The following GMPR variants were observed in gnomAD, a reference collection of about 807,000 sequenced individuals.
GMPR encodes GMP reductase 1.
A neutral mutation model predicts 38.4 loss-of-function variants in GMPR; 31 were observed. The observed-to-expected ratio is 0.81, with a 90% CI of 0.61 to 1.09. The LOEUF (loss-of-function observed/expected upper bound fraction) is 1.09. GMPR is among the 50% of genes least tolerant of loss of function. The pLI, the probability that GMPR is intolerant of heterozygous loss-of-function variation, is 0.00. For missense variants in GMPR, 468 were observed against 453.7 expected, an observed-to-expected ratio of 1.03 and a Z score of -0.29; for synonymous variants, 162 against 173.3, an observed-to-expected ratio of 0.93 and a Z score of 0.51.
At chr6:16,268,377 C>T (rs532804130) in intron 4 of GMPR, among the ~76,000 whole-genome samples, 60 of 152,242 alleles carry the variant, frequency 3.9e-4, no homozygotes, top group African/African-American at 1.4e-3. Context: ...TGTGGTGGCA[C>T]GATCTTGGCT....
intron 4 of GMPR, among the ~76,000 whole-genome samples, chr6:16,261,543 A>C (rs964032154): frequency 1.3e-5 from 2 of 152,008 alleles, no homozygotes; most frequent in Non-Finnish European, 1.5e-5. Context: ...TGGGTTTGGC[A>C]CCATGGGGTG....
At chr6:16,265,661 C>A (rs999336838) in intron 4 of GMPR, among the ~76,000 whole-genome samples, 1 of 145,490 alleles carries the variant, frequency 6.9e-6, no homozygotes, top group African/African-American at 2.4e-5. Flanking sequence ...GCTAAAGCAG[C>A]GCTGTGTCTA....
intron 3 of GMPR, among the ~76,000 whole-genome samples, chr6:16,251,350 C>G (rs1758871705): frequency 1.3e-5 from 2 of 152,192 alleles, no homozygotes; most frequent in Non-Finnish European, 2.9e-5. Context: ...TCGGGTGGAT[C>G]ACCTGAGGTC....
At chr6:16,240,985 C>T (rs908686094) in intron 1 of GMPR, among the ~76,000 whole-genome samples, 3 of 151,958 alleles carry the variant, frequency 2.0e-5, no homozygotes, top group East Asian at 1.9e-4. Flanking sequence ...GCCTCGGTGG[C>T]GTTGAGGGAT....
chr6:16,238,755 G>C lies in GMPR; in HGVS notation c.62G>C (p.Arg21Pro). The C allele has an allele frequency of 6.8e-7, 1 of 1,471,140 alleles. No individual in the cohort carries two copies. Among genetic ancestry groups the C allele is most frequent in the Non-Finnish European group, 9.1e-7 (1 of 1,098,164 alleles). The allele number at this position is 1,471,140 out of a possible 1,614,324, so 91.1% of individuals were successfully genotyped here. A position where few individuals can be genotyped will look rare whatever the true frequency, so the allele number is the denominator to read the frequency against. The stretch of plus-strand genomic sequence containing the variant: ...AAGGATGTCCTGCTCCGACCTAAGC[G>C]GAGCAGCCTCAAGAGCCGAGCCGAG... ...DFKDVLLRPK[R>P]SSLKSRAEVD... Residue 21 changes from arginine (R) to proline (P), a missense_variant, in exon 1 of 9, where the codon CGG becomes CCG. Coordinates refer to ENST00000259727, the MANE Select transcript of GMPR (RefSeq NM_006877.4).
chr6:16,290,417 C>T (rs779228578), intron 7 of GMPR, 45 bp from the exon 8 acceptor site: 14 of 1,578,870 alleles, frequency 8.9e-6, no homozygotes, highest in Non-Finnish European at 1.1e-5. Flanking sequence ...TTCCCCTGAG[C>T]TGTTTTCTCT....
At chr6:16,275,281 A>G (rs1759453497) in intron 5 of GMPR, among the ~76,000 whole-genome samples, 1 of 152,216 alleles carries the variant, frequency 6.6e-6, no homozygotes, top group Non-Finnish European at 1.5e-5. Flanking sequence ...ATTTTTCAAA[A>G]GAATCTCATA....
chr6:16,249,500 T>C (rs1165924045), intron 2 of GMPR, among the ~76,000 whole-genome samples: 2 of 152,132 alleles, frequency 1.3e-5, no homozygotes, highest in African/African-American at 4.8e-5. Flanking sequence ...TTTTATGTTT[T>C]TTAAATAGAC....
intron 4 of GMPR, among the ~76,000 whole-genome samples, chr6:16,266,490 T>C (rs1477371830): frequency 2.4e-5 from 2 of 82,288 alleles, no homozygotes; most frequent in Admixed American, 1.8e-4. Context: ...AGGTGGCACG[T>C]CCGACGTGCC....
chr6:16,291,210 GTTTATTT>G (rs914168632), intron 8 of GMPR, among the ~76,000 whole-genome samples: 34 of 152,208 alleles, frequency 2.2e-4, no homozygotes, highest in African/African-American at 5.5e-4. Context: ...GCTGATGTGT[GTTTATTT>G]TTTATTTTTT....
intron 8 of GMPR, among the ~76,000 whole-genome samples, chr6:16,291,411 A>T (rs949375017): frequency 1.3e-5 from 2 of 151,856 alleles, no homozygotes; most frequent in Non-Finnish European, 2.9e-5. Context: ...TTTAGTAAAG[A>T]TGGGGTTTCG....
At chr6:16,252,406 C>T (rs888682336) in intron 3 of GMPR, among the ~76,000 whole-genome samples, 2 of 152,036 alleles carry the variant, frequency 1.3e-5, no homozygotes, top group South Asian at 2.1e-4. Context: ...ATTACAGGTG[C>T]GCAACACCTA....
intron 6 of GMPR, among the ~76,000 whole-genome samples, chr6:16,284,193 G>C (rs1039576614): frequency 6.6e-6 from 1 of 152,218 alleles, no homozygotes; most frequent in Non-Finnish European, 1.5e-5. Context: ...AAAAGGTCCA[G>C]CCTTCACACT....
rs762028767 is a variant in GMPR at position 16,246,729 on chromosome 6, A to C, written c.88-113A>C. 8.5e-5 allele frequency: 85 copies of C among 994,398 alleles called. 1 individual carries two copies. In the Middle Eastern group the frequency reaches 2.2e-3, roughly 25 times the overall value. 61.6% of individuals were successfully genotyped at this position (994,398 alleles called of 1,614,324 possible). ...CTGTCTTTGACCCCTAAGAGAATCCAGGGACCTTTGTCTTGTTCCTACTCG... is the reference window on the plus strand; with the variant it reads ...CTGTCTTTGACCCCTAAGAGAATCCCGGGACCTTTGTCTTGTTCCTACTCG... On this transcript the variant is annotated intron_variant, in intron 1 of 8. Transcript: ENST00000259727.
chr6:16,262,141 T>C (rs59159194), intron 4 of GMPR: 6,961 of 151,460 alleles, frequency 0.046, 360 homozygotes, highest in East Asian at 0.14. Context: ...GTGGAGTGGG[T>C]AGCCTCCGTA....
intron 4 of GMPR, among the ~76,000 whole-genome samples, chr6:16,259,794 A>G (rs892566465): frequency 6.6e-6 from 1 of 152,182 alleles, no homozygotes; most frequent in African/African-American, 2.4e-5. Flanking sequence ...GCCTAAGGAA[A>G]TTCAGCATAG....
intron 5 of GMPR, among the ~76,000 whole-genome samples, chr6:16,275,999 G>A (rs1340497414): frequency 6.6e-6 from 1 of 152,064 alleles, no homozygotes; most frequent in Non-Finnish European, 1.5e-5. Flanking sequence ...GATCCTGGGA[G>A]GTGAAGGTTG....
chr6:16,276,140 A>G (rs1759468420), intron 5 of GMPR, among the ~76,000 whole-genome samples: 6 of 151,828 alleles, frequency 4.0e-5, no homozygotes, highest in Admixed American at 3.9e-4. Flanking sequence ...GCTGTACAGG[A>G]TGTGAAGGTG....
chr6:16,244,197 T>G (rs574040678), intron 1 of GMPR, among the ~76,000 whole-genome samples: 1 of 151,168 alleles, frequency 6.6e-6, no homozygotes, highest in South Asian at 2.1e-4. Context: ...TGGTAGGTTG[T>G]CCTCTATTTG....
Sources: gnomAD v4.1 joint callset for allele counts (sites outside exome capture counted in the v4.1 genomes callset) on GRCh38, gnomAD v4.1.1 for gene constraint, MANE v1.5 for transcripts, NCBI Gene and HGNC (gene_info 2026-07-23, HGNC 2026-07-21) for gene names.